Variants in ADAMTSL4 observed in about 807,000 individuals in gnomAD.
ADAMTSL4 encodes ADAMTS like 4.
Under a neutral mutation model 122.8 loss-of-function variants are expected in ADAMTSL4, and 97 were observed. The observed-to-expected ratio is 0.79, with a 90% CI of 0.67 to 0.93. The LOEUF is 0.93. Ranked by LOEUF, ADAMTSL4 falls within the 40% of genes least tolerant of loss-of-function variation. The probability of loss-of-function intolerance (pLI) is 0.00; values close to 1 mark genes in which losing one functional copy is unlikely to be tolerated. For synonymous variants in ADAMTSL4, 592 were observed against 568.0 expected, an observed-to-expected ratio of 1.04 and a Z score of -0.60; for missense variants, 1,408 against 1,453.5, an observed-to-expected ratio of 0.97 and a Z score of 0.51.
chr1:150,556,587 T>C lies in ADAMTSL4; in HGVS notation c.1577-34T>C, dbSNP rs754483840. ...TGGGAGGAGGAAGGTATTATCACCC[T>C]GGAATTTCCCGATCTCTCACCTCTG... On this transcript the variant is annotated intron_variant, in intron 9 of 18. Coordinates refer to ENST00000271643, the MANE Select transcript of ADAMTSL4 (RefSeq NM_019032.6). The surrounding 1 kb of genome is among the most constrained non-coding windows in gnomAD (Gnocchi z 4.1). 2.3e-5 allele frequency: 37 copies of C among 1,613,516 alleles called. No individual in the cohort carries two copies. The highest frequency in any genetic ancestry group is 4.0e-5 in the African/African-American group (3 of 74,884).
In ADAMTSL4 at chr1:150,558,573, C is replaced by T. The variant is rs587654643; in HGVS notation, c.2483C>T (p.Pro828Leu). Residue 828 changes from proline to leucine, a missense_variant, in exon 15 of 19, where the codon CCG becomes CTG. Transcript: ENST00000271643. Reference sequence around the variant, plus strand: ...GAGCAGGAGTGTGCGTCAGGCCCCCCGCAGCCCCCCAGCAGAGAGGCCTGT... The same window carrying T: ...GAGCAGGAGTGTGCGTCAGGCCCCCTGCAGCCCCCCAGCAGAGAGGCCTGT... ...VSEQECASGP[P>L]QPPSREACDM... 7.7e-5 allele frequency: 125 copies of T among 1,613,130 alleles called. 1 individual carries two copies. Among genetic ancestry groups the T allele is most frequent in the South Asian group, 2.5e-4 (23 of 91,064 alleles).
rs1671936130 is a variant in ADAMTSL4, at chr1:150,555,496, TG to T, written c.1303del (p.Glu435LysfsTer23). The part of the protein sequence containing the change: ...RGFRFYVRHT[E>X]KVQDGTLCQP... ...GCTTCCGCTTCTATGTCCGTCACAC[TG>T]AAAAGGTCCAGGATGGGACCCTGTG... On this transcript the variant is annotated frameshift_variant, in exon 8 of 19. Transcript: ENST00000271643. LOFTEE classifies it high-confidence loss of function. 1 of 1,614,040 alleles carries T rather than the reference TG, an allele frequency of 6.2e-7. No homozygotes were observed. Among genetic ancestry groups the T allele is most frequent in the African/African-American group, 1.3e-5 (1 of 74,930 alleles).
At position 150,553,708 on chromosome 1, in the gene ADAMTSL4, G is replaced by A. The variant is rs1028528076; in HGVS notation, c.717G>A (p.Glu239=). 2 of 1,612,712 alleles carry A rather than the reference G, an allele frequency of 1.2e-6. No homozygotes were observed. The highest frequency in any genetic ancestry group is 2.2e-5 in the East Asian group (1 of 44,790). The change falls in exon 6 of 19, where the codon GAG becomes GAA. Residue 239 remains glutamate (E), a synonymous_variant. Coordinates refer to ENST00000271643, the MANE Select transcript of ADAMTSL4 (RefSeq NM_019032.6). ...TAAGCCCTGAAACTGCTCAGACAGA[G>A]GTGGCCCCCAGAACCAGGCCTGCCC... ...EPLSPETAQT[E]VAPRTRPAPL...
intron 7 of ADAMTSL4, 74 bp from the exon 8 acceptor site, chr1:150,555,355 G>A: frequency 6.3e-7 from 1 of 1,593,004 alleles, no homozygotes; most frequent in Non-Finnish European, 8.6e-7. Flanking sequence ...ACCTCAAGGT[G>A]CCCCCTCTGG....
Position 150,556,782 on chromosome 1 carries a change from G to T in ADAMTSL4, c.1738G>T (p.Val580Leu). 6.2e-7 allele frequency: 1 copy of T among 1,613,322 alleles called. No homozygotes were observed. Among genetic ancestry groups the T allele is most frequent in the South Asian group, 1.1e-5 (1 of 91,072 alleles). The change falls in exon 10 of 19, where the codon GTG becomes TTG. Residue 580 changes from valine to leucine, a missense_variant. Transcript: ENST00000271643. This position sits in a 1 kb window ranked among gnomAD's most constrained non-coding sequence, Gnocchi z 4.1. ...LSAEGPTTQPVDVYMIFQEEN... is the reference protein window; with the variant it reads ...LSAEGPTTQPLDVYMIFQEEN... ...GGCTGAAGGCCCCACCACCCAGCCTGTGGATGTCTATGTGAGCCTGGGGCC... is the reference window on the plus strand; with the variant it reads ...GGCTGAAGGCCCCACCACCCAGCCTTTGGATGTCTATGTGAGCCTGGGGCC...
Position 150,556,952 on chromosome 1 carries a change from A to G in ADAMTSL4, c.1763A>G (p.Glu588Gly), listed in dbSNP as rs370547286. 6.2e-7 allele frequency: 1 copy of G among 1,613,880 alleles called. No individual in the cohort carries two copies. The highest frequency in any genetic ancestry group is 1.3e-5 in the African/African-American group (1 of 74,846). ...QPVDVYMIFQEENPGVFYQYV... is the reference protein window; with the variant it reads ...QPVDVYMIFQGENPGVFYQYV... ...TCTTCTCCCCAGATGATCTTTCAGG[A>G]GGAAAACCCAGGCGTTTTTTATCAG... Residue 588 changes from glutamate to glycine, a missense_variant, in exon 11 of 19, where the codon GAG becomes GGG. By Grantham distance (98) the Glu-to-Gly change is moderately conservative. Coordinates refer to ENST00000271643, the MANE Select transcript of ADAMTSL4 (RefSeq NM_019032.6). This position sits in a 1 kb window ranked among gnomAD's most constrained non-coding sequence, Gnocchi z 4.1.
At position 150,559,266 on chromosome 1, in the gene ADAMTSL4, C is replaced by T. The variant is rs1310934778; in HGVS notation, c.2764-21C>T. ...CTCTGTCCTCCCCTCCCCTCATCAC[C>T]CTGCCCTCCCCCTACACTAGTGCTC... is the stretch of plus-strand genomic sequence containing the variant. On this transcript the variant is annotated intron_variant, in intron 16 of 18. Coordinates refer to ENST00000271643, the MANE Select transcript of ADAMTSL4 (RefSeq NM_019032.6). This position sits in a 1 kb window ranked among gnomAD's most constrained non-coding sequence, Gnocchi z 4.1. The T allele has an allele frequency of 1.2e-6, 2 of 1,613,778 alleles. No individual in the cohort carries two copies. Among genetic ancestry groups the T allele is most frequent in the African/African-American group, 1.3e-5 (1 of 74,900 alleles).
chr1:150,557,825 A>G, intron 13 of ADAMTSL4, 120 bp from the exon 14 acceptor site: 1 of 1,407,064 alleles, frequency 7.1e-7, no homozygotes, highest in Non-Finnish European at 9.6e-7. Flanking sequence ...CCAAACGCCA[A>G]ACGTGCCCAC....
chr1:150,553,877 G>C lies in ADAMTSL4; in HGVS notation c.886G>C (p.Gly296Arg). ...GGGTTGGGCCAGTCCCCAGGTAGCA[G>C]GGAGACGCCCTGATCCTTTTCCTTC... The part of the protein sequence containing the change: ...SQGWASPQVA[G>R]RRPDPFPSVP... The change falls in exon 6 of 19, where the codon GGG becomes CGG. Residue 296 changes from glycine (G) to arginine (R), a missense_variant. Gly to Arg is a moderately radical substitution (Grantham distance 125). Coordinates refer to ENST00000271643, the MANE Select transcript of ADAMTSL4 (RefSeq NM_019032.6). 1 of 1,614,004 alleles carries C rather than the reference G, an allele frequency of 6.2e-7. No individual in the cohort carries two copies. Among genetic ancestry groups the C allele is most frequent in the Non-Finnish European group, 8.5e-7 (1 of 1,179,982 alleles).
rs375539424 is a variant in ADAMTSL4 at position 150,553,669 on chromosome 1, C to A, written c.678C>A (p.Pro226=). The A allele has an allele frequency of 2.5e-6, 4 of 1,613,416 alleles. No individual in the cohort carries two copies. The highest frequency in any genetic ancestry group is 3.4e-6 in the Non-Finnish European group (4 of 1,179,848). The change falls in exon 6 of 19, where the codon CCC becomes CCA. Residue 226 remains proline, a synonymous_variant. Coordinates refer to ENST00000271643, the MANE Select transcript of ADAMTSL4 (RefSeq NM_019032.6). The stretch of plus-strand genomic sequence containing the variant: ...AACTGTCTGTCCACACCCCATCCCC[C>A]CAAGCAGAACCTCTAAGCCCTGAAA... ...PTELSVHTPS[P]QAEPLSPETA...
Position 150,559,915 on chromosome 1 carries a change from C to T in ADAMTSL4, c.3088+10C>T. The stretch of plus-strand genomic sequence containing the variant: ...TGCAGCCAGCGCCCTGGTAAAGAGC[C>T]CCCTCTCCCCAATCCCCAATACAGT... On this transcript the variant is annotated intron_variant, in intron 18 of 18. Coordinates refer to ENST00000271643, the MANE Select transcript of ADAMTSL4 (RefSeq NM_019032.6). The surrounding 1 kb of genome is among the most constrained non-coding windows in gnomAD (Gnocchi z 4.1). The T allele has an allele frequency of 6.2e-7, 1 of 1,613,826 alleles. No individual in the cohort carries two copies. The highest frequency in any genetic ancestry group is 8.5e-7 in the Non-Finnish European group (1 of 1,180,014).
rs758809985 is a variant in ADAMTSL4 at position 150,558,944 on chromosome 1, C to T, written c.2560-18C>T. On this transcript the variant is annotated intron_variant, in intron 15 of 18. Transcript: ENST00000271643. ...TCACCAGCAGGCCCCTCACACAGGC[C>T]GCTCTCCTCCTCCGCAGTGCTCAGC... 1.1e-4 allele frequency: 176 copies of T among 1,590,978 alleles called. 1 individual carries two copies. In the South Asian group the frequency reaches 1.8e-3, roughly 17 times the overall value.
Position 150,552,467 on chromosome 1 carries a change from C to G in ADAMTSL4, c.21-76C>G. On this transcript the variant is annotated intron_variant, in intron 3 of 18. Transcript: ENST00000271643. The surrounding 1 kb of genome is among the most constrained non-coding windows in gnomAD (Gnocchi z 4.0). ...TTGGTAGTCAGGATATGGGAGCCGG[C>G]TGGGGGCGGAGGGCAGTGTTGCAAC... is the stretch of plus-strand genomic sequence containing the variant. 1 of 1,601,570 alleles carries G rather than the reference C, an allele frequency of 6.2e-7. No individual in the cohort carries two copies. Among genetic ancestry groups the G allele is most frequent in the Admixed American group, 1.7e-5 (1 of 59,798 alleles).
rs1378807364 is a variant in ADAMTSL4, at chr1:150,553,426, G to A, written c.435G>A (p.Arg145=). 1.2e-6 allele frequency: 2 copies of A among 1,613,812 alleles called. No individual in the cohort carries two copies. Among genetic ancestry groups the A allele is most frequent in the African/African-American group, 1.3e-5 (1 of 74,902 alleles). ...CCCCACATCTGAAACACCTTCTCAG[G>A]TCCCGGCTTCGAGACCCCATCAAGC... ...EETQEIRAAR[R]SRLRDPIKPG... is the part of the protein sequence containing the mutation. Residue 145 remains arginine, a splice_region_variant and synonymous_variant, in exon 6 of 19, where the codon AGG becomes AGA. Coordinates refer to ENST00000271643, the MANE Select transcript of ADAMTSL4 (RefSeq NM_019032.6).
chr1:150,560,336 C>A lies in ADAMTSL4; in HGVS notation c.*140C>A, dbSNP rs1672650234. 3 of 1,359,240 alleles carry A rather than the reference C, an allele frequency of 2.2e-6. No homozygotes were observed. The Admixed American group carries it at 6.4e-5, about 29-fold the overall frequency. The allele number at this position is 1,359,240 out of a possible 1,614,324, so 84.2% of individuals were successfully genotyped here. ...CAGGTGACAGAGGGTGGCAAGGTGA[C>A]TGACACAAAGTGACTTTCAGGGCTG... On this transcript the variant is annotated 3_prime_UTR_variant, in exon 19 of 19. Coordinates refer to ENST00000271643, the MANE Select transcript of ADAMTSL4 (RefSeq NM_019032.6).
rs201559783 is a variant in ADAMTSL4, at chr1:150,553,547, A to G, written c.556A>G (p.Ile186Val). 3.1e-6 allele frequency: 5 copies of G among 1,613,730 alleles called. No individual in the cohort carries two copies. The Admixed American group carries it at 6.7e-5, about 22-fold the overall frequency. ...CCCACCCAGATCTGAGCTGTCCCTG[A>G]TCTCTTCTAGAGGGGAAGAGGCTAT... is the stretch of plus-strand genomic sequence containing the variant. ...RSPPRSELSL[I>V]SSRGEEAIPS... Residue 186 changes from isoleucine to valine, a missense_variant, in exon 6 of 19, where the codon ATC (isoleucine) becomes GTC (valine). Ile to Val is a conservative substitution (Grantham distance 29). Transcript: ENST00000271643.
chr1:150,551,184 G>A, intron 2 of ADAMTSL4: 3 of 359,116 alleles, frequency 8.4e-6, no homozygotes, highest in South Asian at 4.1e-5. Flanking sequence ...GCCTGTGGCT[G>A]GGGCATGAGG....
Position 150,554,802 on chromosome 1 carries a change from G to T in ADAMTSL4, c.1234+335G>T, listed in dbSNP as rs1019410473. 3 of 737,562 alleles carry T rather than the reference G, an allele frequency of 4.1e-6. No individual in the cohort carries two copies. The highest frequency in any genetic ancestry group is 6.5e-6 in the Non-Finnish European group (3 of 458,482). The allele number at this position is 737,562 out of a possible 1,614,324, so 45.7% of individuals were successfully genotyped here. ...TGACAGCCAGGTGGGGGTGTGCCAC[G>T]CATCCTGGGCACTGTCGTATCGGTT... On this transcript the variant is annotated intron_variant, in intron 7 of 18. Transcript: ENST00000271643. The surrounding 1 kb of genome is among the most constrained non-coding windows in gnomAD (Gnocchi z 4.0).
At chr1:150,550,937 T>C (rs991864934) in intron 2 of ADAMTSL4, 5 of 456,254 alleles carry the variant, frequency 1.1e-5, no homozygotes, top group African/African-American at 8.0e-5. Context: ...ACCTCAGCAA[T>C]GCGAGGGCTC....
Sources: gnomAD v4.1 joint callset for allele counts on GRCh38, gnomAD v4.1.1 for gene constraint, Gnocchi (gnomAD v3.1) non-coding constraint, MANE v1.5 for transcripts, NCBI Gene and HGNC (gene_info 2026-07-23, HGNC 2026-07-21) for gene names.